The following HOOK2 variants were observed in gnomAD, a reference collection of about 807,000 sequenced individuals.
HOOK2 encodes hook microtubule tethering protein 2.
Under a neutral mutation model 111.9 loss-of-function variants are expected in HOOK2, and 108 were observed. The observed-to-expected ratio is 0.96, with a 90% confidence interval of 0.83 to 1.13. The LOEUF (loss-of-function observed/expected upper bound fraction) is 1.13. HOOK2 is among the 50% of genes most tolerant of loss of function. HOOK2 has a pLI of 0.00. For synonymous variants in HOOK2, 405 were observed against 394.3 expected (o/e 1.03, Z -0.32); for missense variants, 978 against 951.3 (o/e 1.03, Z -0.37).
At chr19:12,775,279 G>T in intron 1 of HOOK2, 126 bp downstream of exon 1, 2 of 1,479,912 alleles carry the variant, frequency 1.4e-6, no homozygotes, top group Non-Finnish European at 1.8e-6. Context: ...AGAGTCCAAC[G>T]GTCCAGCAAG....
At chr19:12,770,200 G>T in intron 10 of HOOK2, 118 bp from the exon 11 acceptor site, 1 of 870,716 alleles carries the variant, frequency 1.1e-6, no homozygotes, top group Non-Finnish European at 1.6e-6. Context: ...GGTTCAAGGT[G>T]AAGGGGTCAT....
intron 18 of HOOK2, chr19:12,765,321 C>T (rs1047662639): frequency 1.7e-6 from 1 of 597,914 alleles, no homozygotes; most frequent in Non-Finnish European, 3.0e-6. Flanking sequence ...CTGTCCACTT[C>T]TTCCCATCCC....
chr19:12,782,933 C>G (rs957996276), upstream of HOOK2, among the ~76,000 whole-genome samples: 1 of 151,392 alleles, frequency 6.6e-6, no homozygotes, highest in African/African-American at 2.4e-5. Flanking sequence ...CGTAGCCAGG[C>G]GCGTGTTTCC....
In HOOK2 at chr19:12,786,414, C is replaced by G. The variant is rs912887994; in HGVS notation, n.42-12189G>C. 1.3e-5 allele frequency among the ~76,000 whole-genome samples: 2 copies of G among 152,124 alleles called. No individual in the cohort carries two copies. Among genetic ancestry groups the G allele is most frequent in the Non-Finnish European group, 2.9e-5 (2 of 67,978 alleles). On this transcript the variant is annotated intron_variant and non_coding_transcript_variant, in intron 3 of 3. Coordinates refer to the HOOK2 transcript ENST00000589765. This position sits in a 1 kb window ranked among gnomAD's most constrained non-coding sequence, Gnocchi z 4.3. ...GAAGGAGAAGTCCCTCGTGCCAAGA[C>G]CAAAAGCCCCGAAGACACTTGTGGG...
chr19:12,784,064 G>A (rs1047113700), intron 3 of HOOK2, among the ~76,000 whole-genome samples: 3 of 152,054 alleles, frequency 2.0e-5, no homozygotes, highest in African/African-American at 7.2e-5. Context: ...CCTGACCCGC[G>A]GGTGGCCCGA....
chr19:12,789,002 C>T (rs545733990), intron 3 of HOOK2, among the ~76,000 whole-genome samples: 1 of 152,312 alleles, frequency 6.6e-6, no homozygotes, highest in African/African-American at 2.4e-5. Flanking sequence ...TTCCCCCTGC[C>T]CCCACATAGC....
chr19:12,787,102 G>C (rs1428379543), intron 3 of HOOK2: 1 of 152,912 alleles, frequency 6.5e-6, no homozygotes, highest in Non-Finnish European at 1.5e-5. Context: ...CAGGAGTTCA[G>C]GGCTGCAGCG....
chr19:12,767,960 G>T (rs1968206553), intron 12 of HOOK2, 53 bp downstream of exon 12: 1 of 1,610,268 alleles, frequency 6.2e-7, no homozygotes, highest in Admixed American at 1.7e-5. Context: ...CTGGGAAATG[G>T]GCTACCCCAG....
At chr19:12,780,650 C>T (rs956531405), upstream of HOOK2, among the ~76,000 whole-genome samples, 3 of 132,742 alleles carry the variant, frequency 2.3e-5, no homozygotes, top group East Asian at 2.3e-4. Context: ...CCACCGCGCC[C>T]GGCCTTTTTT....
At chr19:12,782,678 C>A (rs180835363), upstream of HOOK2, among the ~76,000 whole-genome samples, 2,401 of 152,194 alleles carry the variant, frequency 0.016, 36 homozygotes, top group Admixed American at 0.034. Context: ...GTGGCGGGGG[C>A]TGGGCGAGCG....
At position 12,765,097 on chromosome 19, in the gene HOOK2, G is replaced by C. The variant is rs1230137932; in HGVS notation, c.1641-16C>G. 6.2e-7 allele frequency: 1 copy of C among 1,613,584 alleles called. No individual in the cohort carries two copies. Among genetic ancestry groups the C allele is most frequent in the Non-Finnish European group, 8.5e-7 (1 of 1,179,620 alleles). On this transcript the variant is annotated splice_polypyrimidine_tract_variant and intron_variant, in intron 18 of 22. Transcript: ENST00000397668. ...AAGCTTCTGCCTGTGGGCCGGGGAT[G>C]AGCAGCAGTGGGCTGACCTCCGGGC... is the stretch of plus-strand genomic sequence containing the variant.
At position 12,766,201 on chromosome 19, in the gene HOOK2, C is replaced by A. The variant is rs775791734; in HGVS notation, c.1413G>T (p.Leu471=). 6.3e-6 allele frequency: 10 copies of A among 1,595,920 alleles called. No homozygotes were observed. The highest frequency in any genetic ancestry group is 1.1e-5 in the South Asian group (1 of 90,496). ...LLRLQLENKR[L]CRQEAADRER... ...CCCGGTCGGCCGCCTCCTGCCTGCACAGCCGCTTGTTCTCCAGCTGAAGCC... is the reference window on the plus strand; with the variant it reads ...CCCGGTCGGCCGCCTCCTGCCTGCAAAGCCGCTTGTTCTCCAGCTGAAGCC... The change falls in exon 15 of 23, where the codon CTG becomes CTT. Residue 471 remains leucine (L), a synonymous_variant. Coordinates refer to ENST00000397668, the MANE Select transcript of HOOK2 (RefSeq NM_013312.3).
At chr19:12,783,160 C>A (rs902984837), upstream of HOOK2, among the ~76,000 whole-genome samples, 3 of 152,050 alleles carry the variant, frequency 2.0e-5, no homozygotes, top group African/African-American at 7.2e-5. Context: ...GTGACTCAGG[C>A]CCCTGGGGAG....
intron 7 of HOOK2, among the ~76,000 whole-genome samples, 188 bp from the exon 8 acceptor site, chr19:12,771,665 C>G (rs1968332493): frequency 1.3e-5 from 2 of 152,032 alleles, no homozygotes; most frequent in South Asian, 4.1e-4. Context: ...GGTGGGTTAC[C>G]TGAGATCAGG....
chr19:12,779,522 G>T (rs1459877887), upstream of HOOK2, among the ~76,000 whole-genome samples: 1 of 152,114 alleles, frequency 6.6e-6, no homozygotes, highest in Non-Finnish European at 1.5e-5. Context: ...AATGTGCTAG[G>T]TTTTTTTGTG....
At chr19:12,788,320 T>C (rs1275835094) in intron 3 of HOOK2, among the ~76,000 whole-genome samples, 1 of 152,194 alleles carries the variant, frequency 6.6e-6, no homozygotes, top group African/African-American at 2.4e-5. Context: ...GCTGGATTGT[T>C]GGAAGCAGTC....
chr19:12,772,566 C>A (rs1219158310), intron 6 of HOOK2, 47 bp downstream of exon 6: 12 of 1,595,982 alleles, frequency 7.5e-6, no homozygotes, highest in Non-Finnish European at 1.0e-5. Context: ...CTAGAGATGT[C>A]CCCTCTCCTG....
chr19:12,763,305 G>A lies in HOOK2; in HGVS notation c.2137C>T (p.Leu713Phe). ...TGTCAGTGCTTGTCAGTGGGGCGAA[G>A]GTTCAGAGATGCCAGGCGTCCCAAG... ...GPLGRLASLN[L>F]RPTDKH The change falls in exon 23 of 23, where the codon CTT becomes TTT. Residue 713 changes from leucine (L) to phenylalanine (F), a missense_variant. By Grantham distance (22) the Leu-to-Phe change is conservative. Around this residue, in one of 5 missense-constraint regions of HOOK2, gnomAD observed 277 missense variants for 265.8 expected, o/e 1.04. Coordinates refer to ENST00000397668, the MANE Select transcript of HOOK2 (RefSeq NM_013312.3). The A allele has an allele frequency of 6.2e-7, 1 of 1,613,876 alleles. No individual in the cohort carries two copies. Among genetic ancestry groups the A allele is most frequent in the South Asian group, 1.1e-5 (1 of 91,052 alleles).
chr19:12,781,481 T>C (rs553667334), upstream of HOOK2, among the ~76,000 whole-genome samples: 43 of 151,298 alleles, frequency 2.8e-4, no homozygotes, highest in African/African-American at 8.9e-4. Flanking sequence ...CGCCCGCCAC[T>C]ACGCCTGGCT....
Sources: allele counts gnomAD v4.1 joint callset (sites outside exome capture counted in the v4.1 genomes callset), GRCh38; gene constraint gnomAD v4.1.1; regional missense constraint gnomAD v4.1.1; non-coding constraint Gnocchi (gnomAD v3.1); transcripts MANE v1.5; gene names NCBI Gene and HGNC (gene_info 2026-07-23, HGNC 2026-07-21).